The following KCNQ5 variants were observed in gnomAD, a reference collection of about 807,000 sequenced individuals.
KCNQ5 encodes the protein potassium voltage-gated channel subfamily Q member 5.
A neutral mutation model predicts 98.2 loss-of-function variants in KCNQ5; 30 were observed. The ratio of observed to expected loss-of-function variants is 0.31; its 90% CI spans 0.23 to 0.41. The LOEUF (loss-of-function observed/expected upper bound fraction) is 0.41. Among genes scored for constraint, KCNQ5 ranks in the 10% least tolerant of loss-of-function variants. The probability of loss-of-function intolerance (pLI) is 1.00; values close to 1 mark genes in which losing one functional copy is unlikely to be tolerated. For missense variants in KCNQ5, 835 were observed against 1,182.5 expected (o/e 0.71, Z 4.31); for synonymous variants, 458 against 449.4 (o/e 1.02, Z -0.24).
intron 7 of KCNQ5, among the ~76,000 whole-genome samples, chr6:73,117,040 G>A (rs1386666761): frequency 1.3e-5 from 2 of 152,184 alleles, no homozygotes; most frequent in African/African-American, 2.4e-5. Context: ...TAGAGCACCA[G>A]CATCACCTGA....
chr6:72,749,952 A>G (rs1771594991), intron 1 of KCNQ5, among the ~76,000 whole-genome samples: 1 of 152,174 alleles, frequency 6.6e-6, no homozygotes. Context: ...AAGAAAAAGC[A>G]AAAACCTTTT....
intron 10 of KCNQ5, among the ~76,000 whole-genome samples, chr6:73,141,890 T>G (rs1465074893): frequency 1.3e-5 from 2 of 152,242 alleles, no homozygotes; most frequent in African/African-American, 4.8e-5. Context: ...AACACATACT[T>G]ATAATCTCAC....
chr6:72,856,516 A>T (rs1777541689), intron 1 of KCNQ5, among the ~76,000 whole-genome samples: 1 of 151,854 alleles, frequency 6.6e-6, no homozygotes, highest in South Asian at 2.1e-4. Flanking sequence ...TTAAATAAAG[A>T]TGCTTTCCAG....
intron 3 of KCNQ5, among the ~76,000 whole-genome samples, chr6:73,071,455 A>AGT (rs1014347674): frequency 2.0e-5 from 3 of 152,194 alleles, no homozygotes; most frequent in Admixed American, 2.0e-4. Context: ...TAAGTGTCTT[A>AGT]GTCTATTTGT....
At chr6:72,743,173 A>G (rs779256241) in intron 1 of KCNQ5, among the ~76,000 whole-genome samples, 1 of 152,220 alleles carries the variant, frequency 6.6e-6, no homozygotes, top group Non-Finnish European at 1.5e-5. Context: ...CAGCCATTAA[A>G]TACTTAGAAG....
intron 5 of KCNQ5, among the ~76,000 whole-genome samples, chr6:73,100,928 T>C (rs905729854): frequency 4.6e-5 from 7 of 151,964 alleles, no homozygotes; most frequent in African/African-American, 7.3e-5. Context: ...CCTACCAACA[T>C]TGAACCATGA....
At chr6:72,948,544 A>G (rs1766650273) in intron 1 of KCNQ5, among the ~76,000 whole-genome samples, 1 of 152,128 alleles carries the variant, frequency 6.6e-6, no homozygotes, top group South Asian at 2.1e-4. Context: ...CTCTCAAGGT[A>G]TGTATTATAA....
At chr6:72,863,806 A>T (rs1203364888) in intron 1 of KCNQ5, among the ~76,000 whole-genome samples, 1 of 152,224 alleles carries the variant, frequency 6.6e-6, no homozygotes, top group African/African-American at 2.4e-5. Context: ...AACTGTTTGA[A>T]ATGTAATCCA....
At chr6:72,660,474 CAT>C (rs148874823) in intron 1 of KCNQ5, among the ~76,000 whole-genome samples, 7,884 of 152,214 alleles carry the variant, frequency 0.052, 638 homozygotes, top group African/African-American at 0.18. Flanking sequence ...CCAACAATAA[CAT>C]GTGCCATATT....
At chr6:72,726,382 C>A (rs7738589) in intron 1 of KCNQ5, among the ~76,000 whole-genome samples, 55,077 of 151,080 alleles carry the variant, frequency 0.36, 13,571 homozygotes, top group African/African-American at 0.67. Flanking sequence ...GGCTAATTCC[C>A]TGTATTTTTT....
At chr6:73,164,696 T>C (rs1255643179) in intron 10 of KCNQ5, among the ~76,000 whole-genome samples, 1 of 152,194 alleles carries the variant, frequency 6.6e-6, no homozygotes, top group African/African-American at 2.4e-5. Context: ...AAGAAAGTTT[T>C]CCATTAACCT....
chr6:73,014,352 C>G (rs1770221166), intron 2 of KCNQ5, among the ~76,000 whole-genome samples: 1 of 152,054 alleles, frequency 6.6e-6, no homozygotes, highest in Non-Finnish European at 1.5e-5. Context: ...TGCAGGTTAT[C>G]ATTTCTAAAA....
intron 1 of KCNQ5, among the ~76,000 whole-genome samples, chr6:72,632,645 A>G (rs1056754065): frequency 2.0e-5 from 3 of 152,114 alleles, no homozygotes; most frequent in African/African-American, 7.2e-5. Context: ...TGTGCTTAGT[A>G]TTTATCTTCA....
At chr6:72,826,722 G>A (rs1212853306) in intron 1 of KCNQ5, among the ~76,000 whole-genome samples, 2 of 152,142 alleles carry the variant, frequency 1.3e-5, no homozygotes, top group East Asian at 3.9e-4. Context: ...CCTTGTGTTA[G>A]AAACATTCAG....
chr6:72,768,909 C>T (rs1490868334), intron 1 of KCNQ5, among the ~76,000 whole-genome samples: 1 of 152,008 alleles, frequency 6.6e-6, no homozygotes, highest in Admixed American at 6.6e-5. Flanking sequence ...TTTCACTGCC[C>T]ACTTCACAAT....
At chr6:72,868,465 A>G (rs1308555273) in intron 1 of KCNQ5, among the ~76,000 whole-genome samples, 1 of 152,192 alleles carries the variant, frequency 6.6e-6, no homozygotes, top group Non-Finnish European at 1.5e-5. Flanking sequence ...TATTAACCAG[A>G]GGGAGTCTGG....
At chr6:72,633,488 C>A (rs1462410182) in intron 1 of KCNQ5, among the ~76,000 whole-genome samples, 1 of 152,120 alleles carries the variant, frequency 6.6e-6, no homozygotes, top group East Asian at 1.9e-4. Context: ...TTTACAGATT[C>A]AATGTTATTC....
At chr6:73,159,259 T>C (rs985039002) in intron 10 of KCNQ5, among the ~76,000 whole-genome samples, 6 of 152,068 alleles carry the variant, frequency 3.9e-5, no homozygotes, top group African/African-American at 1.4e-4. Context: ...AAAAACCAAA[T>C]ACCACATGTT....
chr6:73,111,817 G>C (rs974524802), intron 7 of KCNQ5, among the ~76,000 whole-genome samples: 2 of 152,154 alleles, frequency 1.3e-5, no homozygotes, highest in African/African-American at 4.8e-5. Flanking sequence ...CTGTTTTAAA[G>C]AACAACATAT....
Sources: gnomAD v4.1 joint callset for allele counts (sites outside exome capture counted in the v4.1 genomes callset) on GRCh38, gnomAD v4.1.1 for gene constraint, MANE v1.5 for transcripts, NCBI Gene and HGNC (gene_info 2026-07-23, HGNC 2026-07-21) for gene names.